The following AQP9 variants were observed in gnomAD, a reference collection of about 807,000 sequenced individuals.
AQP9 encodes aquaporin 9, also known as aquaporin-9.
In AQP9, 19 loss-of-function variants were observed where a neutral mutation model predicts 23.8. The observed-to-expected ratio is 0.80, with a 90% CI of 0.56 to 1.17. AQP9 has a LOEUF of 1.17. AQP9 is among the 50% of genes most tolerant of loss of function. The pLI, the probability that AQP9 is intolerant of heterozygous loss-of-function variation, is 0.00. For missense variants in AQP9, 413 were observed against 362.0 expected (o/e 1.14, Z -1.14); for synonymous variants, 153 against 131.5 (o/e 1.16, Z -1.12).
chr15:58,174,962 G>A lies in AQP9; in HGVS notation c.421G>A (p.Glu141Lys). 3 of 1,614,208 alleles carry A rather than the reference G, an allele frequency of 1.9e-6. No individual in the cohort carries two copies. Among genetic ancestry groups the A allele is most frequent in the Non-Finnish European group, 2.5e-6 (3 of 1,180,012 alleles). The change falls in exon 4 of 6, where the codon GAA (glutamate) becomes AAA (lysine). Residue 141 changes from glutamate (E) to lysine (K), a missense_variant. Transcript: ENST00000219919. ...FAGGKLLIVGENATAHIFATY... is the reference protein window; with the variant it reads ...FAGGKLLIVGKNATAHIFATY... ...TGGTGGAAAACTGCTGATCGTGGGA[G>A]AAAATGCAACAGCACACATTTTTGC... is the stretch of plus-strand genomic sequence containing the variant.
At chr15:58,167,450 A>G (rs1200882948) in intron 2 of AQP9, among the ~76,000 whole-genome samples, 2 of 152,160 alleles carry the variant, frequency 1.3e-5, no homozygotes, top group African/African-American at 2.4e-5. Flanking sequence ...TTGAGTCAAG[A>G]CTTGGTGAGA....
chr15:58,173,353 T>C (rs779111766), intron 3 of AQP9, 148 bp downstream of exon 3: 100 of 1,183,610 alleles, frequency 8.4e-5, no homozygotes, highest in Non-Finnish European at 1.1e-4. Flanking sequence ...AATGAGGCCA[T>C]ATTACCATTC....
intron 4 of AQP9, among the ~76,000 whole-genome samples, chr15:58,177,204 C>G (rs1248898150): frequency 6.6e-6 from 1 of 152,190 alleles, no homozygotes; most frequent in African/African-American, 2.4e-5. Flanking sequence ...TGTAAATACT[C>G]TTCAAGCATA....
chr15:58,160,856 G>A (rs961104095), intron 1 of AQP9, among the ~76,000 whole-genome samples: 2 of 152,148 alleles, frequency 1.3e-5, no homozygotes, highest in Admixed American at 1.3e-4. Flanking sequence ...TGGGGAAGGT[G>A]CAAGGAAAGG....
At chr15:58,166,821 T>C (rs1460291327) in intron 2 of AQP9, 22 bp downstream of exon 2, 1 of 1,611,730 alleles carries the variant, frequency 6.2e-7, no homozygotes, top group Admixed American at 1.7e-5. Flanking sequence ...AAATAATGAA[T>C]GCTGCTCTTA....
chr15:58,175,117 C>T, intron 4 of AQP9, 81 bp downstream of exon 4: 1 of 1,247,718 alleles, frequency 8.0e-7, no homozygotes, highest in Non-Finnish European at 1.2e-6. Context: ...AATTAGAGAC[C>T]AATCAGAAAG....
At position 58,138,646 on chromosome 15, in the gene AQP9, C is replaced by G; in HGVS notation, c.81C>G (p.Leu27=). 1 of 1,613,814 alleles carries G rather than the reference C, an allele frequency of 6.2e-7. No individual in the cohort carries two copies. Among genetic ancestry groups the G allele is most frequent in the Non-Finnish European group, 8.5e-7 (1 of 1,179,752 alleles). ...AGAGCAGCTTAGCGAAAGAAACCCT[C>G]TCTGAGTTCTTGGGCACGTTCATCT... ...VLKSSLAKET[L]SEFLGTFILI... is the part of the protein sequence containing the mutation. The change falls in exon 1 of 6, where the codon CTC becomes CTG. Residue 27 remains leucine (L), a synonymous_variant. Transcript: ENST00000219919.
Position 58,184,521 on chromosome 15 carries a change from C to T in AQP9, c.*386C>T, listed in dbSNP as rs28516056. The stretch of plus-strand genomic sequence containing the variant: ...TCACCAAAACCCTTTTCTTCAGTAT[C>T]GACAAAGATTACATTCTGAGTACCA... On this transcript the variant is annotated 3_prime_UTR_variant, in exon 6 of 6. Transcript: ENST00000219919. 1.5e-4 allele frequency: 25 copies of T among 162,302 alleles called. No individual in the cohort carries two copies. The highest frequency in any genetic ancestry group is 8.8e-4 in the Admixed American group (14 of 15,836). The allele number at this position is 162,302 out of a possible 1,614,324, so 10.1% of individuals were successfully genotyped here.
chr15:58,179,220 C>G lies in AQP9; in HGVS notation c.588C>G (p.Ile196Met). 6.2e-7 allele frequency: 1 copy of G among 1,614,038 alleles called. No individual in the cohort carries two copies. The highest frequency in any genetic ancestry group is 8.5e-7 in the Non-Finnish European group (1 of 1,179,890). The change falls in exon 5 of 6, where the codon ATC (isoleucine) becomes ATG (methionine). Residue 196 changes from isoleucine to methionine, a missense_variant. By Grantham distance (10) the Ile-to-Met change is conservative (BLOSUM62 1). Coordinates refer to ENST00000219919, the MANE Select transcript of AQP9 (RefSeq NM_020980.5). ...GAPRGLEPIA[I>M]GLLIIVIASS... ...CCAGAGGCCTAGAGCCCATTGCCAT[C>G]GGCCTCCTGATTATTGTCATTGCTT...
intron 1 of AQP9, among the ~76,000 whole-genome samples, chr15:58,156,661 C>T (rs779206019): frequency 2.6e-5 from 4 of 152,304 alleles, no homozygotes; most frequent in Non-Finnish European, 4.4e-5. Context: ...ACTTAACACC[C>T]TCCTCTTAAT....
intron 2 of AQP9, among the ~76,000 whole-genome samples, chr15:58,169,826 G>C (rs111455733): frequency 5.3e-5 from 8 of 152,178 alleles, no homozygotes; most frequent in Admixed American, 3.3e-4. Flanking sequence ...AATGGCAATT[G>C]CTATTGATGT....
intron 4 of AQP9, among the ~76,000 whole-genome samples, chr15:58,175,264 T>C (rs1236578688): frequency 6.6e-6 from 1 of 152,232 alleles, no homozygotes; most frequent in African/African-American, 2.4e-5. Context: ...TGTTTAACAT[T>C]AGTTGAGATC....
chr15:58,168,857 T>C (rs1898562433), intron 2 of AQP9, among the ~76,000 whole-genome samples: 1 of 152,158 alleles, frequency 6.6e-6, no homozygotes, highest in South Asian at 2.1e-4. Flanking sequence ...CCAGGTAATG[T>C]AGGTGTAGCC....
Position 58,173,074 on chromosome 15 carries a change from A to C in AQP9, c.245A>C (p.His82Pro). Residue 82 changes from histidine (H) to proline (P), a missense_variant, in exon 3 of 6, where the codon CAC becomes CCC. Physicochemically the swap from His to Pro is moderately conservative, Grantham distance 77 (BLOSUM62 -2). Transcript: ENST00000219919. ...CTCCAATCTTCCCTTGCAGGTGGTC[A>C]CATCAACCCAGCTGTGTCTTTAGCA... ...IYVAGGVSGG[H>P]INPAVSLAMC... 1 of 1,614,032 alleles carries C rather than the reference A, an allele frequency of 6.2e-7. No individual in the cohort carries two copies. The highest frequency in any genetic ancestry group is 8.5e-7 in the Non-Finnish European group (1 of 1,179,912).
chr15:58,182,176 C>G (rs1898903550), intron 5 of AQP9, among the ~76,000 whole-genome samples: 1 of 152,158 alleles, frequency 6.6e-6, no homozygotes, highest in Admixed American at 6.5e-5. Context: ...AATTTCTCTC[C>G]ACTTATTCAC....
chr15:58,179,715 A>C (rs1319752436), intron 5 of AQP9, among the ~76,000 whole-genome samples: 1 of 152,212 alleles, frequency 6.6e-6, no homozygotes, highest in Non-Finnish European at 1.5e-5. Flanking sequence ...GCATCCTATG[A>C]TGCCACTACA....
At chr15:58,169,738 G>A (rs1319045842) in intron 2 of AQP9, among the ~76,000 whole-genome samples, 2 of 152,216 alleles carry the variant, frequency 1.3e-5, no homozygotes, top group Admixed American at 6.5e-5. Context: ...CCCTGGGAAT[G>A]TTCCAGTCAA....
intron 2 of AQP9, among the ~76,000 whole-genome samples, chr15:58,171,059 G>C (rs1898609363): frequency 1.3e-5 from 2 of 151,290 alleles, no homozygotes; most frequent in Non-Finnish European, 2.9e-5. Flanking sequence ...TGAGTAGCCA[G>C]GATCACAGGT....
chr15:58,179,212 A>T lies in AQP9; in HGVS notation c.580A>T (p.Ile194Phe), dbSNP rs530834755. 2 of 1,614,030 alleles carry T rather than the reference A, an allele frequency of 1.2e-6. No individual in the cohort carries two copies. The highest frequency in any genetic ancestry group is 1.1e-5 in the South Asian group (1 of 91,078). ...NLGAPRGLEP[I>F]AIGLLIIVIA... ...GGGAGCCCCCAGAGGCCTAGAGCCCATTGCCATCGGCCTCCTGATTATTGT... is the reference window on the plus strand; with the variant it reads ...GGGAGCCCCCAGAGGCCTAGAGCCCTTTGCCATCGGCCTCCTGATTATTGT... The change falls in exon 5 of 6, where the codon ATT (isoleucine) becomes TTT (phenylalanine). Residue 194 changes from isoleucine to phenylalanine, a missense_variant. Transcript: ENST00000219919.
Sources: gnomAD v4.1 joint callset for allele counts (sites outside exome capture counted in the v4.1 genomes callset) on GRCh38, gnomAD v4.1.1 for gene constraint, MANE v1.5 for transcripts, NCBI Gene and HGNC (gene_info 2026-07-23, HGNC 2026-07-21) for gene names.